DLC1: variants seen among roughly 807,000 people sequenced by gnomAD.
DLC1 encodes the protein rho GTPase-activating protein 7.
DLC1 carries 54 observed loss-of-function variants against 140.3 expected under a neutral mutation model. That is an observed-to-expected ratio of 0.38 (90% CI 0.31 to 0.48). DLC1 has a LOEUF of 0.48. DLC1 is among the 20% of genes least tolerant of loss of function. The pLI, the probability that DLC1 is intolerant of heterozygous loss-of-function variation, is 0.96. For missense variants in DLC1, 2,536 were observed against 1,907.0 expected (o/e 1.33, Z -6.14); for synonymous variants, 986 against 728.1 (o/e 1.35, Z -5.70).
chr8:13,529,892 C>G (rs1304548279), intron 1 of DLC1, among the ~76,000 whole-genome samples: 1 of 152,058 alleles, frequency 6.6e-6, no homozygotes, highest in Admixed American at 6.5e-5. Flanking sequence ...ATTCCTAACA[C>G]TATACTGTGA....
chr8:13,278,415 G>T (rs1380415475), intron 5 of DLC1, among the ~76,000 whole-genome samples: 1 of 152,186 alleles, frequency 6.6e-6, no homozygotes, highest in African/African-American at 2.4e-5. Context: ...CCATGGCATG[G>T]GTAGTGCCCT....
chr8:13,281,575 C>T (rs1831367399), intron 5 of DLC1, among the ~76,000 whole-genome samples: 1 of 152,082 alleles, frequency 6.6e-6, no homozygotes, highest in Non-Finnish European at 1.5e-5. Flanking sequence ...TAAATATATA[C>T]ACTGGGGTTC....
intron 4 of DLC1, among the ~76,000 whole-genome samples, chr8:13,334,542 A>G (rs1380238596): frequency 6.6e-6 from 1 of 152,222 alleles, no homozygotes; most frequent in Non-Finnish European, 1.5e-5. Flanking sequence ...AATGGGGACC[A>G]AACCAGGTTT....
chr8:13,223,758 T>C (rs1190536152), intron 5 of DLC1, among the ~76,000 whole-genome samples: 2 of 152,228 alleles, frequency 1.3e-5, no homozygotes, highest in Non-Finnish European at 2.9e-5. Context: ...TAGAGCATTA[T>C]AATTTGAACA....
intron 5 of DLC1, among the ~76,000 whole-genome samples, chr8:13,298,480 A>G (rs1832050921): frequency 6.6e-6 from 1 of 152,240 alleles, no homozygotes; most frequent in Non-Finnish European, 1.5e-5. Context: ...TTTCTTGATT[A>G]ACACCTGTTT....
intron 4 of DLC1, among the ~76,000 whole-genome samples, chr8:13,315,470 T>C (rs531345207): frequency 6.6e-6 from 1 of 152,224 alleles, no homozygotes. Context: ...CTGAGGTACA[T>C]GTCTGAATCT....
chr8:13,215,044 A>G (rs1278058987), intron 5 of DLC1, among the ~76,000 whole-genome samples: 2 of 152,210 alleles, frequency 1.3e-5, no homozygotes, highest in Non-Finnish European at 2.9e-5. Flanking sequence ...ATAATTATAG[A>G]GGCTACCATG....
intron 2 of DLC1, among the ~76,000 whole-genome samples, chr8:13,421,213 T>C (rs1838308788): frequency 6.6e-6 from 1 of 152,146 alleles, no homozygotes; most frequent in Admixed American, 6.6e-5. Flanking sequence ...TTTTTGATGA[T>C]AAGTAATCAG....
intron 4 of DLC1, among the ~76,000 whole-genome samples, chr8:13,360,539 T>C (rs1835174473): frequency 6.6e-6 from 1 of 152,210 alleles, no homozygotes; most frequent in Admixed American, 6.5e-5. Flanking sequence ...TCTGATTTAA[T>C]TGATACAGCG....
intron 4 of DLC1, among the ~76,000 whole-genome samples, chr8:13,318,992 A>G (rs1244814126): frequency 6.6e-6 from 1 of 152,210 alleles, no homozygotes; most frequent in African/African-American, 2.4e-5. Context: ...GAGTGAGGTT[A>G]ACTCCAAAGC....
At chr8:13,164,940 C>A (rs1824991957) in intron 5 of DLC1, among the ~76,000 whole-genome samples, 1 of 152,126 alleles carries the variant, frequency 6.6e-6, no homozygotes, top group Non-Finnish European at 1.5e-5. Flanking sequence ...GCTTTTGCTG[C>A]ATTTTGTGTG....
intron 8 of DLC1, among the ~76,000 whole-genome samples, chr8:13,102,567 T>C (rs1161210916): frequency 6.6e-6 from 1 of 152,224 alleles, no homozygotes; most frequent in Non-Finnish European, 1.5e-5. Flanking sequence ...ATAGCTGATG[T>C]GATCAGGTCA....
rs199540543 is a variant in DLC1 at position 13,105,420 on chromosome 8, CTA to C, written c.1503-2569_1503-2568del. 6.2e-4 allele frequency among the ~76,000 whole-genome samples: 95 copies of C among 152,158 alleles called. No individual in the cohort carries two copies. The East Asian group carries it at 0.014, about 22-fold the overall frequency. ...GGCCAGGCACTATGCTAGGCACTTC[CTA>C]TATATGACTTCATCTTCCCAACGAC... On this transcript the variant is annotated intron_variant, in intron 7 of 17. Coordinates refer to ENST00000276297, the MANE Select transcript of DLC1 (RefSeq NM_182643.3).
chr8:13,401,649 C>T (rs754922466), intron 2 of DLC1, 30 bp from the exon 3 acceptor site: 2 of 1,596,854 alleles, frequency 1.3e-6, no homozygotes, highest in South Asian at 2.3e-5. Context: ...GTTACTGAAT[C>T]TGAAAGGCCA....
chr8:13,252,500 A>G (rs1482748097), intron 5 of DLC1, among the ~76,000 whole-genome samples: 1 of 152,162 alleles, frequency 6.6e-6, no homozygotes, highest in Non-Finnish European at 1.5e-5. Context: ...TAGGCTGTTA[A>G]TACGGTCATA....
intron 1 of DLC1, among the ~76,000 whole-genome samples, chr8:13,565,662 G>T (rs1034307770): frequency 6.6e-6 from 1 of 151,968 alleles, no homozygotes; most frequent in African/African-American, 2.4e-5. Flanking sequence ...GGCTAGACCT[G>T]AATAATACCC....
At chr8:13,117,172 T>TA (rs1284255883) in intron 5 of DLC1, among the ~76,000 whole-genome samples, 2 of 152,218 alleles carry the variant, frequency 1.3e-5, no homozygotes, top group African/African-American at 4.8e-5. Context: ...TATTTTATTT[T>TA]AAAAAACAAG....
At chr8:13,575,838 C>T (rs904896541) in intron 1 of DLC1, among the ~76,000 whole-genome samples, 1 of 152,090 alleles carries the variant, frequency 6.6e-6, no homozygotes, top group African/African-American at 2.4e-5. Flanking sequence ...ATCTGGAATT[C>T]TGAAGGGTAT....
At chr8:13,462,332 C>A (rs78683910) in intron 2 of DLC1, among the ~76,000 whole-genome samples, 4,308 of 151,590 alleles carry the variant, frequency 0.028, 197 homozygotes, top group African/African-American at 0.095. Context: ...CACCTGGGAA[C>A]TTTTCTTTTG....
Sources: gnomAD v4.1 joint callset for allele counts (sites outside exome capture counted in the v4.1 genomes callset) on GRCh38, gnomAD v4.1.1 for gene constraint, MANE v1.5 for transcripts, NCBI Gene and HGNC (gene_info 2026-07-23, HGNC 2026-07-21) for gene names.